Variants in DRC8 observed in about 807,000 individuals in gnomAD.
DRC8 encodes dynein regulatory complex protein 8.
chr1:245,093,470 G>T, the DRC8 span, among the ~76,000 whole-genome samples: 1 of 152,008 alleles, frequency 6.6e-6, no homozygotes, highest in African/African-American at 2.4e-5. Context: ...AGGCTGAGGT[G>T]AGCGGTTCAC....
chr1:245,086,130 C>T, the DRC8 span, among the ~76,000 whole-genome samples: 7,211 of 152,294 alleles, frequency 0.047, 238 homozygotes, highest in Middle Eastern at 0.099. Context: ...TATTGAGTAT[C>T]TCAGCGGACT....
At chr1:245,106,259 G>T in the DRC8 span, among the ~76,000 whole-genome samples, 3 of 152,134 alleles carry the variant, frequency 2.0e-5, no homozygotes, top group Non-Finnish European at 2.9e-5. Context: ...CAGTTACACT[G>T]CTCTTTCTGT....
chr1:245,008,409 T>C, the DRC8 span, among the ~76,000 whole-genome samples: 1 of 152,190 alleles, frequency 6.6e-6, no homozygotes, highest in Admixed American at 6.5e-5. Context: ...TCCAAATGTA[T>C]TTAAAATGTT....
chr1:245,082,021 C>G, the DRC8 span: 2 of 1,381,504 alleles, frequency 1.4e-6, no homozygotes, highest in Non-Finnish European at 2.1e-6. Flanking sequence ...GTGCTTGGAA[C>G]AACTAGTTGC....
chr1:245,071,823 C>T, the DRC8 span, among the ~76,000 whole-genome samples: 1 of 152,160 alleles, frequency 6.6e-6, no homozygotes, highest in Non-Finnish European at 1.5e-5. Flanking sequence ...TCCATTAACA[C>T]AAAAATGGTT....
the DRC8 span, among the ~76,000 whole-genome samples, chr1:245,014,014 A>G: frequency 2.6e-5 from 3 of 117,490 alleles, no homozygotes; most frequent in African/African-American, 1.0e-4. Flanking sequence ...CCTGGGCGAC[A>G]TGGCAAGACT....
At chr1:245,095,679 C>T in the DRC8 span, among the ~76,000 whole-genome samples, 7 of 152,330 alleles carry the variant, frequency 4.6e-5, no homozygotes, top group African/African-American at 1.7e-4. Context: ...AGAGCCACCA[C>T]ACCTGGCCTA....
At chr1:245,104,069 G>C in the DRC8 span, among the ~76,000 whole-genome samples, 1 of 152,202 alleles carries the variant, frequency 6.6e-6, no homozygotes, top group Non-Finnish European at 1.5e-5. Flanking sequence ...CTTTGATGGG[G>C]ATGTGGGGAT....
chr1:245,037,039 C>A, the DRC8 span, among the ~76,000 whole-genome samples: 5 of 152,188 alleles, frequency 3.3e-5, no homozygotes, highest in African/African-American at 1.2e-4. Flanking sequence ...TACATAGAAT[C>A]ATTAGGCAAG....
the DRC8 span, chr1:245,087,223 T>C: frequency 1.3e-6 from 2 of 1,599,496 alleles, no homozygotes; most frequent in Non-Finnish European, 1.7e-6. Flanking sequence ...AAATGATAAA[T>C]TTTCCTTTTT....
At chr1:245,059,467 G>A in the DRC8 span, 13 of 1,608,650 alleles carry the variant, frequency 8.1e-6, no homozygotes, top group Admixed American at 3.4e-5. Flanking sequence ...AGGTGAGTAC[G>A]GCGAAAAGGT....
chr1:245,016,536 TCA>T, the DRC8 span, among the ~76,000 whole-genome samples: 1 of 152,304 alleles, frequency 6.6e-6, no homozygotes, highest in South Asian at 2.1e-4. Context: ...CCTCTATTTC[TCA>T]CACCATTTGC....
chr1:245,096,372 G>A, the DRC8 span, among the ~76,000 whole-genome samples: 1 of 152,366 alleles, frequency 6.6e-6, no homozygotes, highest in Non-Finnish European at 1.5e-5. Flanking sequence ...CTGGCCTCCC[G>A]CGCTCACACC....
At chr1:245,090,683 C>T in the DRC8 span, among the ~76,000 whole-genome samples, 326 of 148,572 alleles carry the variant, frequency 2.2e-3, 1 homozygote, top group African/African-American at 7.7e-3. Context: ...TTTCTGTTTA[C>T]GTTTTTTTTT....
the DRC8 span, among the ~76,000 whole-genome samples, chr1:245,035,879 A>AAAG: frequency 1.1e-4 from 17 of 151,772 alleles, 1 homozygote; most frequent in Admixed American, 2.6e-4. Flanking sequence ...AAAAAAAAAA[A>AAAG]AAGAAGAAGA....
chr1:245,090,684 G>A, the DRC8 span, among the ~76,000 whole-genome samples: 1 of 142,250 alleles, frequency 7.0e-6, no homozygotes, highest in Non-Finnish European at 1.5e-5. Context: ...TTCTGTTTAC[G>A]TTTTTTTTTT....
At chr1:245,057,107 C>T in the DRC8 span, among the ~76,000 whole-genome samples, 3 of 152,124 alleles carry the variant, frequency 2.0e-5, no homozygotes, top group Non-Finnish European at 4.4e-5. Flanking sequence ...AGTTGGCCTC[C>T]TTTGAACAAG....
the DRC8 span, among the ~76,000 whole-genome samples, chr1:245,099,286 A>T: frequency 6.6e-6 from 1 of 152,132 alleles, no homozygotes; most frequent in African/African-American, 2.4e-5. Flanking sequence ...AGTTCTCTCA[A>T]GGGGGGGCTT....
the DRC8 span, chr1:245,083,432 A>G: frequency 6.2e-7 from 1 of 1,612,688 alleles, no homozygotes; most frequent in South Asian, 1.1e-5. Flanking sequence ...ATTTTATTGC[A>G]TAATTATAGA....
Sources: gnomAD v4.1 joint callset for allele counts (sites outside exome capture counted in the v4.1 genomes callset) on GRCh38, gnomAD v4.1.1 for gene constraint, MANE v1.5 for transcripts, NCBI Gene and HGNC (gene_info 2026-07-23, HGNC 2026-07-21) for gene names.